PCNX2: variants seen among roughly 807,000 people sequenced by gnomAD.
PCNX2 encodes the protein pecanex-like protein 2.
Under a neutral mutation model 223.8 loss-of-function variants are expected in PCNX2, and 168 were observed. The ratio of observed to expected loss-of-function variants is 0.75; its 90% confidence interval spans 0.66 to 0.85. The LOEUF is 0.85. Among genes scored for constraint, PCNX2 ranks in the 40% least tolerant of loss-of-function variants. The pLI, the probability that PCNX2 is intolerant of heterozygous loss-of-function variation, is 0.00. For synonymous variants in PCNX2, 1,006 were observed against 1,052.6 expected, an observed-to-expected ratio of 0.96 and a Z score of 0.86; for missense variants, 2,507 against 2,675.5, an observed-to-expected ratio of 0.94 and a Z score of 1.39.
At chr1:232,985,926 C>G (rs1448197647) in intron 33 of PCNX2, 166 bp downstream of exon 33, 2 of 750,364 alleles carry the variant, frequency 2.7e-6, no homozygotes, top group African/African-American at 1.7e-5. Context: ...AGCAGCTAAG[C>G]CACTTCGTGT....
At chr1:233,079,770 G>A (rs906411075) in intron 23 of PCNX2, among the ~76,000 whole-genome samples, 7 of 152,082 alleles carry the variant, frequency 4.6e-5, no homozygotes, top group Admixed American at 2.6e-4. Flanking sequence ...CTTTGTGTTC[G>A]CTGTGTCCTC....
chr1:233,022,991 C>T (rs531731349), intron 26 of PCNX2, among the ~76,000 whole-genome samples: 5 of 152,198 alleles, frequency 3.3e-5, no homozygotes, highest in South Asian at 2.1e-4. Context: ...GCCACTGCGC[C>T]GGGATGAGTC....
chr1:233,252,374 T>C lies in PCNX2; in HGVS notation c.2108A>G (p.His703Arg), dbSNP rs774588292. Reference protein sequence around the residue: ...VQEEISVDAMHVFIDEHGEIR... With the variant: ...VQEEISVDAMRVFIDEHGEIR... ...CTCACCATGTTCATCAATGAAGACA[T>C]GCATAGCATCCACAGATATCTCTTC... is the stretch of plus-strand genomic sequence containing the variant. The change falls in exon 7 of 34, where the codon CAT becomes CGT. Residue 703 changes from histidine to arginine, a missense_variant. His to Arg is a conservative substitution (Grantham distance 29). Coordinates refer to ENST00000258229, the MANE Select transcript of PCNX2 (RefSeq NM_014801.4). The C allele has an allele frequency of 6.2e-7, 1 of 1,610,858 alleles. No individual in the cohort carries two copies. The highest frequency in any genetic ancestry group is 8.5e-7 in the Non-Finnish European group (1 of 1,177,842).
At chr1:233,110,710 A>G (rs1472751827) in intron 21 of PCNX2, among the ~76,000 whole-genome samples, 1 of 152,038 alleles carries the variant, frequency 6.6e-6, no homozygotes, top group Non-Finnish European at 1.5e-5. Flanking sequence ...AGCATATGTA[A>G]GAATAAATAT....
At chr1:233,321,120 G>T in the PCNX2 span, among the ~76,000 whole-genome samples, 1 of 138,326 alleles carries the variant, frequency 7.2e-6, no homozygotes, top group African/African-American at 2.7e-5. Context: ...CGGGGTTCAC[G>T]CCATTCTCCT....
At chr1:233,005,224 T>C (rs761924328) in intron 28 of PCNX2, among the ~76,000 whole-genome samples, 2 of 152,142 alleles carry the variant, frequency 1.3e-5, no homozygotes, top group African/African-American at 2.4e-5. Flanking sequence ...GCCTGGCATA[T>C]GCATAAGAGA....
intron 1 of PCNX2, chr1:233,289,409 G>A (rs928074368): frequency 9.9e-6 from 14 of 1,414,846 alleles, no homozygotes; most frequent in African/African-American, 8.5e-5. Context: ...CCGGCTTCTC[G>A]CCATTAGGCT....
At chr1:233,199,672 A>G (rs1337231176) in intron 14 of PCNX2, among the ~76,000 whole-genome samples, 1 of 152,140 alleles carries the variant, frequency 6.6e-6, no homozygotes. Context: ...AAAGGGTCAC[A>G]GTGATGGTTT....
In PCNX2 at chr1:233,236,978, T is replaced by A; in HGVS notation, c.2225A>T (p.Glu742Val). ...GGTACTGGAGGAGCTGACCTGCATC[T>A]CTCTGAGGATGGGCAAAACAAAAGC... ...SNNDCLSQAR[E>V]MQVSSSSTTT... Residue 742 changes from glutamate to valine, a missense_variant and splice_region_variant, in exon 9 of 34, where the codon GAG becomes GTG. Glu to Val is a moderately radical substitution (Grantham distance 121). Coordinates refer to ENST00000258229, the MANE Select transcript of PCNX2 (RefSeq NM_014801.4). The A allele has an allele frequency of 6.2e-7, 1 of 1,613,826 alleles. No homozygotes were observed. The highest frequency in any genetic ancestry group is 8.5e-7 in the Non-Finnish European group (1 of 1,179,814).
chr1:233,096,525 T>C (rs910609062), intron 21 of PCNX2, among the ~76,000 whole-genome samples: 1 of 151,782 alleles, frequency 6.6e-6, no homozygotes, highest in African/African-American at 2.4e-5. Flanking sequence ...GATCTCTGCA[T>C]TGTGGTAAGA....
At chr1:233,227,406 G>A (rs1657806887) in intron 9 of PCNX2, 35 bp from the exon 10 acceptor site, 1 of 1,592,614 alleles carries the variant, frequency 6.3e-7, no homozygotes, top group Non-Finnish European at 8.5e-7. Flanking sequence ...AGAAAAAAGG[G>A]CTTTATGTTG....
At chr1:233,235,957 AATATATATAT>A (rs1553319644) in intron 9 of PCNX2, among the ~76,000 whole-genome samples, 2 of 93,114 alleles carry the variant, frequency 2.1e-5, no homozygotes, top group Non-Finnish European at 4.4e-5. Flanking sequence ...CATAAAAAAA[AATATATATAT>A]ATATATATAT....
Position 233,295,384 on chromosome 1 carries a change from T to C in PCNX2, c.95A>G (p.Asn32Ser), listed in dbSNP as rs773185131. The part of the protein sequence containing the change: ...YHDPEQSKFT[N>S]SCHLYLWLFL... ...CAGCCACAGGTAGAGGTGGCAGCTG[T>C]TGGTGAACTTGCTCTGCTCCGGGTC... The change falls in exon 1 of 34, where the codon AAC becomes AGC. Residue 32 changes from asparagine to serine, a missense_variant. By Grantham distance (46) the Asn-to-Ser change is conservative (BLOSUM62 1). Coordinates refer to ENST00000258229, the MANE Select transcript of PCNX2 (RefSeq NM_014801.4). The surrounding 1 kb of genome is among the most constrained non-coding windows in gnomAD (Gnocchi z 4.1). The C allele has an allele frequency of 6.4e-7, 1 of 1,558,626 alleles. No homozygotes were observed. Among genetic ancestry groups the C allele is most frequent in the Non-Finnish European group, 8.7e-7 (1 of 1,150,928 alleles).
intron 9 of PCNX2, among the ~76,000 whole-genome samples, chr1:233,235,983 T>TAA: frequency 6.9e-6 from 1 of 144,878 alleles, no homozygotes; most frequent in Non-Finnish European, 1.5e-5. Flanking sequence ...TATATATATA[T>TAA]ATAATTATAT....
intron 12 of PCNX2, among the ~76,000 whole-genome samples, chr1:233,215,948 T>A (rs925012251): frequency 1.3e-5 from 2 of 152,228 alleles, no homozygotes; most frequent in Non-Finnish European, 2.9e-5. Flanking sequence ...TAGCAATGTA[T>A]GCCATGTGAT....
At chr1:233,264,726 A>C (rs61823939) in intron 1 of PCNX2, among the ~76,000 whole-genome samples, 43,950 of 152,056 alleles carry the variant, frequency 0.29, 6,559 homozygotes, top group South Asian at 0.42. Flanking sequence ...GATAAGGTTT[A>C]TATTTACAAA....
At chr1:233,076,441 GT>G (rs1422862463) in intron 23 of PCNX2, among the ~76,000 whole-genome samples, 1 of 152,142 alleles carries the variant, frequency 6.6e-6, no homozygotes, top group Non-Finnish European at 1.5e-5. Context: ...AGGACCTTCA[GT>G]TTTTGTAGCC....
chr1:232,988,713 C>G (rs371291171), intron 32 of PCNX2, among the ~76,000 whole-genome samples: 20 of 152,212 alleles, frequency 1.3e-4, no homozygotes, highest in Admixed American at 7.8e-4. Flanking sequence ...CAGCCTCCCT[C>G]TCCAATCTGG....
chr1:233,133,737 G>A lies in PCNX2; in HGVS notation c.3837+1276C>T, dbSNP rs985792671. Among the ~76,000 whole-genome samples the A allele has an allele frequency of 3.3e-5, 5 of 152,178 alleles. No homozygotes were observed. The East Asian group carries it at 9.6e-4, about 29-fold the overall frequency. ...TAGCCAGGCGTGGTGGTGCATGCCT[G>A]TGGTCCTAATTACTCAGGAGGATGG... On this transcript the variant is annotated intron_variant, in intron 21 of 33. Transcript: ENST00000258229.
Sources: allele counts gnomAD v4.1 joint callset (sites outside exome capture counted in the v4.1 genomes callset), GRCh38; gene constraint gnomAD v4.1.1; non-coding constraint Gnocchi (gnomAD v3.1); transcripts MANE v1.5; gene names NCBI Gene and HGNC (gene_info 2026-07-23, HGNC 2026-07-21).